CCDC154: variants seen among roughly 807,000 people sequenced by gnomAD.
CCDC154 encodes the protein coiled-coil domain containing 154, also known as coiled-coil domain-containing protein 154.
A neutral mutation model predicts 87.5 loss-of-function variants in CCDC154; 91 were observed. The ratio of observed to expected loss-of-function variants is 1.04; its 90% CI spans 0.88 to 1.24. The LOEUF is 1.24. Ranked by LOEUF, CCDC154 falls within the 50% of genes most tolerant of loss-of-function variation. The pLI, the probability that CCDC154 is intolerant of heterozygous loss-of-function variation, is 0.00. For synonymous variants in CCDC154, 418 were observed against 400.4 expected, an observed-to-expected ratio of 1.04 and a Z score of -0.52; for missense variants, 903 against 879.2, an observed-to-expected ratio of 1.03 and a Z score of -0.34.
intron 1 of CCDC154, 113 bp from the exon 2 acceptor site, chr16:1,444,125 G>T (rs188330383): frequency 4.0e-5 from 41 of 1,015,724 alleles, no homozygotes; most frequent in Middle Eastern, 2.5e-4. Context: ...AGAGCTCAAC[G>T]CGTCTCCTTG....
At chr16:1,440,196 T>A (rs539675769) in intron 6 of CCDC154, among the ~76,000 whole-genome samples, 1 of 130,304 alleles carries the variant, frequency 7.7e-6, no homozygotes, top group African/African-American at 2.9e-5. Flanking sequence ...ACGCCTGAAA[T>A]CCCAACACTT....
At chr16:1,435,229 T>G in intron 14 of CCDC154, 54 bp from the exon 15 acceptor site, 3 of 1,475,494 alleles carry the variant, frequency 2.0e-6, no homozygotes, top group Non-Finnish European at 2.8e-6. Flanking sequence ...GGCATCCTGC[T>G]GTCCCCACAG....
chr16:1,437,521 G>A (rs1463474022), intron 11 of CCDC154: 1 of 401,994 alleles, frequency 2.5e-6, no homozygotes, highest in Non-Finnish European at 4.5e-6. Context: ...ACGAGGGGTG[G>A]AGGCCGCTTG....
intron 1 of CCDC154, 62 bp downstream of exon 1, chr16:1,444,254 G>A (rs1371600213): frequency 3.7e-5 from 48 of 1,284,674 alleles, no homozygotes; most frequent in African/African-American, 1.2e-4. Flanking sequence ...GAAGCAGAGC[G>A]GTCCCCACCC....
chr16:1,438,961 T>A lies in CCDC154; in HGVS notation c.778-18A>T. ...TTCATTCTCTGTGGGGAGACCCCACTGTCAGCTGCAGGTCTGCGTCTGGGA... is the reference window on the plus strand; with the variant it reads ...TTCATTCTCTGTGGGGAGACCCCACAGTCAGCTGCAGGTCTGCGTCTGGGA... On this transcript the variant is annotated intron_variant, in intron 7 of 16. Transcript: ENST00000389176. 2 of 1,548,878 alleles carry A rather than the reference T, an allele frequency of 1.3e-6. No homozygotes were observed. The highest frequency in any genetic ancestry group is 8.7e-7 in the Non-Finnish European group (1 of 1,145,954).
chr16:1,434,406 G>A lies in CCDC154; in HGVS notation c.*2C>T, dbSNP rs1045173057. The A allele has an allele frequency of 1.7e-5, 27 of 1,550,240 alleles. No homozygotes were observed. In the East Asian group the frequency reaches 2.0e-4, roughly 11 times the overall value. On this transcript the variant is annotated 3_prime_UTR_variant, in exon 17 of 17. Coordinates refer to ENST00000389176, the MANE Select transcript of CCDC154 (RefSeq NM_001143980.3). ...GCTCTAATGAGTACAAAGCCAGCAC[G>A]TTTATTTCTGGATAAACAGTGAGGG...
In CCDC154 at chr16:1,442,427, G is replaced by C; in HGVS notation, c.654C>G (p.Asp218Glu). The part of the protein sequence containing the change: ...KNQEDSSRRV[D>E]LEVARMQAQV... The stretch of plus-strand genomic sequence containing the variant: ...GTACCTGCATTCTGGCCACCTCCAG[G>C]TCCACCCTCCGGCTGCTGTCCTCTT... Residue 218 changes from aspartate (D) to glutamate (E), a missense_variant, in exon 6 of 17, where the codon GAC becomes GAG. Asp to Glu is a conservative substitution (Grantham distance 45, BLOSUM62 2). Coordinates refer to ENST00000389176, the MANE Select transcript of CCDC154 (RefSeq NM_001143980.3). 6.5e-7 allele frequency: 1 copy of C among 1,549,514 alleles called. No homozygotes were observed. Among genetic ancestry groups the C allele is most frequent in the Non-Finnish European group, 8.7e-7 (1 of 1,146,436 alleles).
chr16:1,436,314 G>A (rs1175413425), intron 13 of CCDC154, 131 bp downstream of exon 13: 2 of 927,286 alleles, frequency 2.2e-6, no homozygotes, highest in Non-Finnish European at 3.3e-6. Flanking sequence ...CCGGTGCTGG[G>A]CCAGGCCCGG....
intron 12 of CCDC154, 76 bp from the exon 13 acceptor site, chr16:1,436,597 G>T: frequency 1.9e-6 from 3 of 1,545,698 alleles, no homozygotes; most frequent in Non-Finnish European, 2.6e-6. Context: ...CCCACACAGG[G>T]AGAGGGAGGA....
Position 1,435,083 on chromosome 16 carries a change from C to T in CCDC154, c.1692+6G>A. On this transcript the variant is annotated splice_donor_region_variant and intron_variant, in intron 15 of 16. Coordinates refer to ENST00000389176, the MANE Select transcript of CCDC154 (RefSeq NM_001143980.3). ...GGGCGGTGCCGGCCGGGCAAGGCCT[C>T]CTCACCAGCCGGGCCTCAGTGTTGA... 2 of 1,548,926 alleles carry T rather than the reference C, an allele frequency of 1.3e-6. No individual in the cohort carries two copies. Among genetic ancestry groups the T allele is most frequent in the Non-Finnish European group, 8.7e-7 (1 of 1,146,622 alleles).
At chr16:1,439,154 G>A (rs552401459) in intron 6 of CCDC154, 28 bp from the exon 7 acceptor site, 1 of 1,525,328 alleles carries the variant, frequency 6.6e-7, no homozygotes, top group African/African-American at 1.4e-5. Flanking sequence ...TGTCCCGTGT[G>A]CAGCCTCTGC....
rs774625590 is a variant in CCDC154 at position 1,443,826 on chromosome 16, G to T, written c.194C>A (p.Thr65Asn). Residue 65 changes from threonine (T) to asparagine (N), a missense_variant, in exon 2 of 17, where the codon ACC (threonine) becomes AAC (asparagine). Thr to Asn is a moderately conservative substitution (Grantham distance 65, BLOSUM62 0). Coordinates refer to ENST00000389176, the MANE Select transcript of CCDC154 (RefSeq NM_001143980.3). ...CTCCAGCTGGTTCCAGTGCTTGGCGGTGTCCTGCTCGGGGACAGAGGCCGT... is the reference window on the plus strand; with the variant it reads ...CTCCAGCTGGTTCCAGTGCTTGGCGTTGTCCTGCTCGGGGACAGAGGCCGT... ...TSTASVPEQD[T>N]AKHWNQLEQW... 3.1e-6 allele frequency: 4 copies of T among 1,304,590 alleles called. No homozygotes were observed. In the South Asian group the frequency reaches 3.7e-5, roughly 12 times the overall value. 80.8% of individuals were successfully genotyped at this position (1,304,590 alleles called of 1,614,324 possible).
At chr16:1,434,582 C>CA in intron 16 of CCDC154, 48 bp from the exon 17 acceptor site, 1 of 1,519,046 alleles carries the variant, frequency 6.6e-7, no homozygotes, top group Non-Finnish European at 8.8e-7. Flanking sequence ...CCCCACCCCC[C>CA]ATGGCCCACC....
In CCDC154 at chr16:1,440,950, T is replaced by TA. The variant is rs35719330; in HGVS notation, c.675+1455dup. 5.8e-3 allele frequency among the ~76,000 whole-genome samples: 771 copies of TA among 132,108 alleles called. 8 individuals carry two copies. The highest frequency in any genetic ancestry group is 0.017 in the African/African-American group (622 of 35,708). The allele number at this position is 132,108 out of a possible 152,430, so 86.7% of individuals were successfully genotyped here. A position where few individuals can be genotyped will look rare whatever the true frequency, so the allele number is the denominator to read the frequency against. ...CAGGCAACAGAGGGAGACTCCGTCT[T>TA]AAAAAAAAAAAAAAAAAAATTAGCC... On this transcript the variant is annotated intron_variant, in intron 6 of 16. Coordinates refer to ENST00000389176, the MANE Select transcript of CCDC154 (RefSeq NM_001143980.3).
chr16:1,444,175 C>G, intron 1 of CCDC154, 141 bp downstream of exon 1: 2 of 1,074,022 alleles, frequency 1.9e-6, no homozygotes, highest in Non-Finnish European at 2.5e-6. Context: ...CAGACAAGTC[C>G]AGGGCCCTGC....
intron 6 of CCDC154, among the ~76,000 whole-genome samples, chr16:1,441,780 C>CT (rs1459060103): frequency 1.4e-4 from 22 of 152,022 alleles, no homozygotes; most frequent in East Asian, 1.4e-3. Flanking sequence ...GGCAACTGAG[C>CT]TTTTTTTTGA....
At chr16:1,438,281 C>CT in intron 9 of CCDC154, 105 bp from the exon 10 acceptor site, 2 of 1,349,158 alleles carry the variant, frequency 1.5e-6, no homozygotes, top group African/African-American at 1.5e-5. Context: ...TCCCAGGAGA[C>CT]CCTGGGATCG....
At chr16:1,437,729 C>T (rs2038514310) in intron 11 of CCDC154, 88 bp downstream of exon 11, 1 of 1,422,654 alleles carries the variant, frequency 7.0e-7, no homozygotes. Context: ...CCTGTCAGGC[C>T]TCTACCCTGG....
Position 1,436,677 on chromosome 16 carries a change from T to C in CCDC154, c.1410+15A>G. 1 of 1,549,816 alleles carries C rather than the reference T, an allele frequency of 6.5e-7. No homozygotes were observed. Among genetic ancestry groups the C allele is most frequent in the South Asian group, 1.2e-5 (1 of 84,044 alleles). On this transcript the variant is annotated intron_variant, in intron 12 of 16. Coordinates refer to ENST00000389176, the MANE Select transcript of CCDC154 (RefSeq NM_001143980.3). ...AAGGCCCAAGTACACCAAGGCTGGC[T>C]GTGCCTTCGCCCACCTGCTGGGGGA...
Sources: gnomAD v4.1 joint callset for allele counts (sites outside exome capture counted in the v4.1 genomes callset) on GRCh38, gnomAD v4.1.1 for gene constraint, MANE v1.5 for transcripts, NCBI Gene and HGNC (gene_info 2026-07-23, HGNC 2026-07-21) for gene names.